Variants in APCDD1L observed in about 807,000 individuals in gnomAD.
APCDD1L encodes the protein protein APCDD1-like.
In APCDD1L, 21 loss-of-function variants were observed where a neutral mutation model predicts 24.2. The observed-to-expected ratio is 0.87, with a 90% CI of 0.61 to 1.25. The LOEUF (loss-of-function observed/expected upper bound fraction) is 1.25. Among genes scored for constraint, APCDD1L ranks in the 50% most tolerant of loss-of-function variants. APCDD1L has a pLI of 0.00. For synonymous variants in APCDD1L, 321 were observed against 323.6 expected (o/e 0.99, Z 0.09); for missense variants, 704 against 711.7 (o/e 0.99, Z 0.12).
chr20:58,468,760 G>A (rs1600846746), intron 2 of APCDD1L, among the ~76,000 whole-genome samples: 1 of 152,192 alleles, frequency 6.6e-6, no homozygotes, highest in Non-Finnish European at 1.5e-5. Flanking sequence ...TAGAGATGGA[G>A]TTTCGTCATG....
intron 1 of APCDD1L, among the ~76,000 whole-genome samples, chr20:58,510,045 GCCT>G (rs1444293077): frequency 6.7e-6 from 1 of 150,196 alleles, no homozygotes; most frequent in Non-Finnish European, 1.5e-5. Flanking sequence ...TGTCTGTTCT[GCCT>G]CCTCCTCATT....
At chr20:58,479,324 C>T (rs911156922) in intron 1 of APCDD1L, among the ~76,000 whole-genome samples, 37 of 152,208 alleles carry the variant, frequency 2.4e-4, no homozygotes, top group African/African-American at 8.9e-4. Context: ...TTTATACTTA[C>T]AGCACAACTC....
At chr20:58,472,916 G>A (rs571627996) in intron 1 of APCDD1L, among the ~76,000 whole-genome samples, 11 of 152,336 alleles carry the variant, frequency 7.2e-5, no homozygotes, top group South Asian at 2.1e-4. Flanking sequence ...ACGGGTGCAC[G>A]TCAGCGTCAA....
chr20:58,462,508 C>A (rs1378410332), intron 3 of APCDD1L, among the ~76,000 whole-genome samples: 1 of 152,142 alleles, frequency 6.6e-6, no homozygotes, highest in Non-Finnish European at 1.5e-5. Context: ...GCTCTACCTA[C>A]CCCATGGAAA....
In APCDD1L at chr20:58,463,224, G is replaced by A. The variant is rs141791560; in HGVS notation, c.742-1670C>T. ...GCGCGAAGGAGATAGTTGAAATCTC[G>A]TAAAGAGCTGGGACTCAAAGATGTT... On this transcript the variant is annotated intron_variant, in intron 3 of 3. Coordinates refer to ENST00000371149, the MANE Select transcript of APCDD1L (RefSeq NM_153360.3). Among the ~76,000 whole-genome samples, 595 of 151,426 alleles carry A rather than the reference G, an allele frequency of 3.9e-3. 5 individuals are homozygous for A. The highest frequency in any genetic ancestry group is 6.9e-3 in the South Asian group (33 of 4,774).
intron 1 of APCDD1L, among the ~76,000 whole-genome samples, chr20:58,481,793 C>A (rs1190617021): frequency 6.6e-6 from 1 of 152,186 alleles, no homozygotes; most frequent in Non-Finnish European, 1.5e-5. Flanking sequence ...CCAGTCCTTG[C>A]GGAAGAAGGA....
rs550174713 is a variant in APCDD1L, at chr20:58,472,528, C to T, written c.50-1781G>A. ...GGGCTGACTTGGAGACGGGGTAAAA[C>T]GCAGGGCAGTCAACAAACATTGGCC... On this transcript the variant is annotated intron_variant, in intron 1 of 3. Transcript: ENST00000371149. Among the ~76,000 whole-genome samples, 5 of 152,330 alleles carry T rather than the reference C, an allele frequency of 3.3e-5. No individual in the cohort carries two copies. In the South Asian group the frequency reaches 6.2e-4, roughly 19 times the overall value.
intron 1 of APCDD1L, among the ~76,000 whole-genome samples, chr20:58,483,573 G>A (rs1347419526): frequency 6.6e-6 from 1 of 152,214 alleles, no homozygotes; most frequent in Non-Finnish European, 1.5e-5. Context: ...AGTTAAGTGA[G>A]AATGAGCTAG....
intron 1 of APCDD1L, among the ~76,000 whole-genome samples, chr20:58,500,348 A>G (rs1484491323): frequency 1.3e-5 from 2 of 152,176 alleles, no homozygotes; most frequent in African/African-American, 4.8e-5. Context: ...AATGAGGGGC[A>G]TGCTGAGTCT....
At chr20:58,506,732 C>T (rs1990533557) in intron 1 of APCDD1L, among the ~76,000 whole-genome samples, 1 of 152,222 alleles carries the variant, frequency 6.6e-6, no homozygotes, top group African/African-American at 2.4e-5. Flanking sequence ...TTCTTGTTAG[C>T]ATGTCTGTGG....
At chr20:58,474,039 G>C (rs1989862392) in intron 1 of APCDD1L, among the ~76,000 whole-genome samples, 1 of 152,178 alleles carries the variant, frequency 6.6e-6, no homozygotes, top group Admixed American at 6.5e-5. Context: ...GCCTTCCGGG[G>C]AAAGGACACT....
At chr20:58,475,192 T>C (rs1056508780) in intron 1 of APCDD1L, among the ~76,000 whole-genome samples, 3 of 152,070 alleles carry the variant, frequency 2.0e-5, no homozygotes, top group Admixed American at 2.0e-4. Context: ...GAGGGAGAAA[T>C]ATCAGCTTTT....
intron 1 of APCDD1L, among the ~76,000 whole-genome samples, chr20:58,495,280 AAG>A (rs1348711987): frequency 6.6e-6 from 1 of 152,196 alleles, no homozygotes; most frequent in Non-Finnish European, 1.5e-5. Context: ...AAAAAGTTTT[AAG>A]AGTTTCAAGA....
rs1401396147 is a variant in APCDD1L, at chr20:58,494,134, A to AG, written c.49+20524dup. Among the ~76,000 whole-genome samples, 1 of 152,192 alleles carries AG rather than the reference A, an allele frequency of 6.6e-6. No homozygotes were observed. The highest frequency in any genetic ancestry group is 1.5e-5 in the Non-Finnish European group (1 of 68,038). On this transcript the variant is annotated intron_variant, in intron 1 of 3. Transcript: ENST00000371149. This position sits in a 1 kb window ranked among gnomAD's most constrained non-coding sequence, Gnocchi z 4.8. ...CATCCTCATCACCTTCATGTTGAGT[A>AG]GGCTGAGGAGGAGGAGGAAGAGGAG...
At chr20:58,469,714 C>T (rs1231860145) in intron 2 of APCDD1L, among the ~76,000 whole-genome samples, 1 of 152,218 alleles carries the variant, frequency 6.6e-6, no homozygotes, top group East Asian at 1.9e-4. Flanking sequence ...CCTCGAAGGA[C>T]TCATGTCCCC....
chr20:58,513,828 C>T (rs369990282), intron 1 of APCDD1L: 7 of 1,231,082 alleles, frequency 5.7e-6, no homozygotes, highest in Middle Eastern at 2.2e-4. Flanking sequence ...CAAAGCCAGA[C>T]GGGTTGATAT....
chr20:58,477,369 G>A (rs2865465), intron 1 of APCDD1L, among the ~76,000 whole-genome samples: 54,860 of 152,082 alleles, frequency 0.36, 10,306 homozygotes, highest in South Asian at 0.43. Context: ...CTTTTGAAGA[G>A]TAGTGGCTCT....
At chr20:58,482,248 A>C (rs1410109980) in intron 1 of APCDD1L, among the ~76,000 whole-genome samples, 1 of 152,158 alleles carries the variant, frequency 6.6e-6, no homozygotes, top group Admixed American at 6.5e-5. Context: ...CGGAAAACCC[A>C]TTTTGCTAGG....
intron 1 of APCDD1L, among the ~76,000 whole-genome samples, chr20:58,495,735 A>C (rs1281840860): frequency 6.6e-6 from 1 of 152,144 alleles, no homozygotes; most frequent in African/African-American, 2.4e-5. Context: ...TCGCACACAC[A>C]TGAAGGTGTG....
Sources: allele counts gnomAD v4.1 joint callset (sites outside exome capture counted in the v4.1 genomes callset), GRCh38; gene constraint gnomAD v4.1.1; non-coding constraint Gnocchi (gnomAD v3.1); transcripts MANE v1.5; gene names NCBI Gene and HGNC (gene_info 2026-07-23, HGNC 2026-07-21).